Variants in CPNE4 observed in about 807,000 individuals in gnomAD.
The protein encoded by CPNE4 is copine-4.
Under a neutral mutation model 67.9 loss-of-function variants are expected in CPNE4, and 25 were observed. The ratio of observed to expected loss-of-function variants is 0.37; its 90% CI spans 0.27 to 0.51. The LOEUF (loss-of-function observed/expected upper bound fraction) is 0.51. CPNE4 is among the 20% of genes least tolerant of loss of function. CPNE4 has a pLI of 0.93. For synonymous variants in CPNE4, 242 were observed against 244.9 expected, an observed-to-expected ratio of 0.99 and a Z score of 0.11; for missense variants, 464 against 690.8, an observed-to-expected ratio of 0.67 and a Z score of 3.68.
intron 2 of CPNE4, among the ~76,000 whole-genome samples, chr3:131,855,714 A>ATG (rs1341650260): frequency 2.0e-5 from 3 of 151,352 alleles, no homozygotes; most frequent in South Asian, 2.1e-4. Flanking sequence ...GTGTGTGTGT[A>ATG]TGTGTGTGTG....
intron 7 of CPNE4, among the ~76,000 whole-genome samples, chr3:131,638,691 A>C (rs772325308): frequency 7.9e-5 from 12 of 152,076 alleles, no homozygotes; most frequent in Non-Finnish European, 1.5e-4. Flanking sequence ...TTTACAGAAC[A>C]CTCTACCCAA....
chr3:131,653,931 T>G (rs1449536039), intron 7 of CPNE4, among the ~76,000 whole-genome samples: 1 of 152,210 alleles, frequency 6.6e-6, no homozygotes, highest in African/African-American at 2.4e-5. Context: ...CCTTAATACC[T>G]TAAAGAAAAA....
chr3:131,900,412 C>T (rs774302884), intron 2 of CPNE4, among the ~76,000 whole-genome samples: 2 of 152,060 alleles, frequency 1.3e-5, no homozygotes, highest in African/African-American at 2.4e-5. Context: ...ATTAGTACAA[C>T]CACCACTATG....
At chr3:131,640,187 G>A (rs541422973) in intron 7 of CPNE4, among the ~76,000 whole-genome samples, 1 of 152,056 alleles carries the variant, frequency 6.6e-6, no homozygotes, top group East Asian at 1.9e-4. Context: ...AGAAATAAAG[G>A]GCATCCAAAT....
At chr3:131,986,163 T>G (rs569426764) in intron 1 of CPNE4, among the ~76,000 whole-genome samples, 2 of 149,702 alleles carry the variant, frequency 1.3e-5, no homozygotes, top group East Asian at 4.1e-4. Context: ...TAAGCCCTTC[T>G]CCTTAGCAGT....
chr3:131,800,522 T>C (rs1347564271), intron 2 of CPNE4, among the ~76,000 whole-genome samples: 1 of 152,148 alleles, frequency 6.6e-6, no homozygotes, highest in African/African-American at 2.4e-5. Context: ...CCAAAATATT[T>C]AACGGGTGAG....
chr3:131,568,015 G>A (rs1937145711), intron 10 of CPNE4, among the ~76,000 whole-genome samples: 1 of 151,952 alleles, frequency 6.6e-6, no homozygotes, highest in South Asian at 2.1e-4. Flanking sequence ...CTTCATCTCA[G>A]GAGATTCTCA....
At chr3:131,568,613 C>T (rs1937178298) in intron 10 of CPNE4, among the ~76,000 whole-genome samples, 1 of 152,034 alleles carries the variant, frequency 6.6e-6, no homozygotes, top group Admixed American at 6.6e-5. Flanking sequence ...GCCCAGGAAG[C>T]CACTGCTCAT....
Position 131,766,298 on chromosome 3 carries a change from A to AT in CPNE4, c.181-42674_181-42673insA, listed in dbSNP as rs10934979. ...TTGAAGATTAAGCAAAGTGTTTTAC[A>AT]AGTACTCAAGAAGTGTTAGCTTTTG... On this transcript the variant is annotated intron_variant, in intron 2 of 15. Transcript: ENST00000429747. Among the ~76,000 whole-genome samples the AT allele has an allele frequency of 2.7e-5, 4 of 149,510 alleles. No individual in the cohort carries two copies. In the East Asian group the frequency reaches 5.9e-4, roughly 22 times the overall value.
rs5852655 is a variant in CPNE4 at position 131,819,491 on chromosome 3, T to TACACACACACACACAC, written c.180+85757_180+85772dup. Among the ~76,000 whole-genome samples, 27 of 146,274 alleles carry TACACACACACACACAC rather than the reference T, an allele frequency of 1.8e-4. No homozygotes were observed. The East Asian group carries it at 5.5e-3, about 30-fold the overall frequency. ...CCACATTCACACAGACACACACAGA[T>TACACACACACACACAC]ACACACACACACACACACACACACA... is the stretch of plus-strand genomic sequence containing the variant. On this transcript the variant is annotated intron_variant, in intron 2 of 15. Transcript: ENST00000429747.
At chr3:132,005,342 T>TATATATAC (rs1433266410) in intron 1 of CPNE4, among the ~76,000 whole-genome samples, 1 of 86,536 alleles carries the variant, frequency 1.2e-5, no homozygotes, top group Admixed American at 1.0e-4. Context: ...TATATATATA[T>TATATATAC]ACACACACAC....
intron 2 of CPNE4, among the ~76,000 whole-genome samples, chr3:131,886,350 G>A (rs2107731101): frequency 6.6e-6 from 1 of 152,368 alleles, no homozygotes; most frequent in Non-Finnish European, 1.5e-5. Context: ...GGGAACCTCT[G>A]CCTATATTTT....
chr3:131,907,643 G>T (rs565408741), intron 1 of CPNE4, among the ~76,000 whole-genome samples: 6 of 152,046 alleles, frequency 3.9e-5, no homozygotes, highest in African/African-American at 1.2e-4. Flanking sequence ...TGGAACACAG[G>T]CATGCTTATT....
At chr3:131,668,560 C>A (rs1413800800) in intron 7 of CPNE4, among the ~76,000 whole-genome samples, 1 of 152,096 alleles carries the variant, frequency 6.6e-6, no homozygotes, top group African/African-American at 2.4e-5. Context: ...GGTTTGCCCA[C>A]AAGAAAATGC....
At position 131,824,179 on chromosome 3, in the gene CPNE4, TAAAG is replaced by T. The variant is rs200845844; in HGVS notation, c.180+81081_180+81084del. 2.6e-3 allele frequency among the ~76,000 whole-genome samples: 371 copies of T among 143,086 alleles called. 1 individual carries two copies. Among genetic ancestry groups the T allele is most frequent in the African/African-American group, 7.6e-3 (261 of 34,544 alleles). The allele number at this position is 143,086 out of a possible 152,430, so 93.9% of individuals were successfully genotyped here. On this transcript the variant is annotated intron_variant, in intron 2 of 15. Coordinates refer to ENST00000429747, the MANE Select transcript of CPNE4 (RefSeq NM_130808.3). ...TGTGAGATACAATTCTTTATATAAA[TAAAG>T]AAAGGTGTGAGAAGCCCCATCTAAC...
intron 1 of CPNE4, among the ~76,000 whole-genome samples, chr3:131,908,128 G>C (rs1253187495): frequency 6.6e-6 from 1 of 152,106 alleles, no homozygotes; most frequent in East Asian, 1.9e-4. Context: ...ATGTACCAAG[G>C]AACAGTGGAT....
intron 1 of CPNE4, among the ~76,000 whole-genome samples, chr3:131,936,787 G>A (rs530964781): frequency 2.6e-5 from 4 of 151,968 alleles, no homozygotes; most frequent in East Asian, 1.9e-4. Context: ...AAGACAATGA[G>A]CACAAATATA....
intron 2 of CPNE4, among the ~76,000 whole-genome samples, chr3:131,835,188 G>C (rs1235315370): frequency 1.3e-5 from 2 of 152,140 alleles, no homozygotes; most frequent in Non-Finnish European, 2.9e-5. Context: ...ATCTTGGTTT[G>C]TGTGCTAGAG....
chr3:131,568,114 G>T (rs905233439), intron 10 of CPNE4, among the ~76,000 whole-genome samples: 1 of 152,008 alleles, frequency 6.6e-6, no homozygotes, highest in African/African-American at 2.4e-5. Context: ...CCATTTTATA[G>T]TTCTCATGGT....
Sources: allele counts gnomAD v4.1 joint callset (sites outside exome capture counted in the v4.1 genomes callset), GRCh38; gene constraint gnomAD v4.1.1; transcripts MANE v1.5; gene names NCBI Gene and HGNC (gene_info 2026-07-23, HGNC 2026-07-21).